The following GADL1 variants were observed in gnomAD, a reference collection of about 807,000 sequenced individuals.
The protein encoded by GADL1 is acidic amino acid decarboxylase GADL1.
A neutral mutation model predicts 69.5 loss-of-function variants in GADL1; 71 were observed. The observed-to-expected ratio is 1.02, with a 90% confidence interval of 0.84 to 1.25. GADL1 has a LOEUF of 1.25. Ranked by LOEUF, GADL1 falls within the 50% of genes most tolerant of loss-of-function variation. The pLI, the probability that GADL1 is intolerant of heterozygous loss-of-function variation, is 0.00. For synonymous variants in GADL1, 254 were observed against 214.4 expected (o/e 1.18, Z -1.62); for missense variants, 737 against 631.8 (o/e 1.17, Z -1.79).
chr3:30,860,084 C>A (rs902089608), intron 2 of GADL1, among the ~76,000 whole-genome samples: 1 of 151,730 alleles, frequency 6.6e-6, no homozygotes, highest in Non-Finnish European at 1.5e-5. Context: ...GAAATGAGTA[C>A]CCTAACGCCA....
chr3:30,824,158 T>C (rs1575222036), intron 11 of GADL1, among the ~76,000 whole-genome samples: 1 of 151,774 alleles, frequency 6.6e-6, no homozygotes, highest in East Asian at 1.9e-4. Context: ...TGTTAAATAG[T>C]AGAAATATTT....
At chr3:30,854,865 A>C in intron 3 of GADL1, 76 bp from the exon 4 acceptor site, 1 of 731,122 alleles carries the variant, frequency 1.4e-6, no homozygotes, top group Non-Finnish European at 2.3e-6. Context: ...AACATAAATG[A>C]ATCTTTCAGA....
At chr3:30,893,097 C>T (rs1219913687) in intron 1 of GADL1, among the ~76,000 whole-genome samples, 2 of 152,226 alleles carry the variant, frequency 1.3e-5, no homozygotes, top group African/African-American at 4.8e-5. Context: ...CTCAAGCGAT[C>T]TGCCCACCTC....
chr3:30,789,793 T>A (rs777201021), intron 12 of GADL1, among the ~76,000 whole-genome samples: 2 of 152,176 alleles, frequency 1.3e-5, no homozygotes, highest in Non-Finnish European at 2.9e-5. Flanking sequence ...CTTCCAACTT[T>A]CCTTATTCAT....
At chr3:30,882,819 G>A (rs957074824) in intron 1 of GADL1, among the ~76,000 whole-genome samples, 1 of 151,456 alleles carries the variant, frequency 6.6e-6, no homozygotes, top group Non-Finnish European at 1.5e-5. Flanking sequence ...ATACTCTCCA[G>A]CACTTGTTAT....
At chr3:30,786,244 G>A in intron 13 of GADL1, 111 bp downstream of exon 13, 2 of 722,502 alleles carry the variant, frequency 2.8e-6, no homozygotes, top group South Asian at 3.1e-5. Flanking sequence ...CTAATGACTT[G>A]TTTTTAACTC....
chr3:30,834,071 G>C (rs1697833658), intron 10 of GADL1, 137 bp from the exon 11 acceptor site: 1 of 922,530 alleles, frequency 1.1e-6, no homozygotes, highest in African/African-American at 1.7e-5. Context: ...TATCTGAGTG[G>C]TTTAAGGAAT....
At chr3:30,831,566 A>G (rs1697793530) in intron 11 of GADL1, among the ~76,000 whole-genome samples, 1 of 152,002 alleles carries the variant, frequency 6.6e-6, no homozygotes, top group Non-Finnish European at 1.5e-5. Flanking sequence ...AATTACCCCA[A>G]ACCAAGACTT....
intron 1 of GADL1, among the ~76,000 whole-genome samples, chr3:30,879,334 C>A (rs775215732): frequency 6.6e-6 from 1 of 151,866 alleles, no homozygotes; most frequent in Non-Finnish European, 1.5e-5. Flanking sequence ...TGCCTTCATC[C>A]TCATCAGAGA....
In GADL1 at chr3:30,857,011, T is replaced by C; in HGVS notation, c.337+4A>G. 6.5e-7 allele frequency: 1 copy of C among 1,548,730 alleles called. No individual in the cohort carries two copies. The highest frequency in any genetic ancestry group is 8.7e-7 in the Non-Finnish European group (1 of 1,144,790). On this transcript the variant is annotated splice_donor_region_variant and intron_variant, in intron 3 of 14. Coordinates refer to ENST00000282538, the MANE Select transcript of GADL1 (RefSeq NM_207359.3). Reference sequence around the variant, plus strand: ...AGATCAAGGAAGTAAATTAAAGTTCTTACTAGTTTTGACACTGTAGTGTAT... The same window carrying C: ...AGATCAAGGAAGTAAATTAAAGTTCCTACTAGTTTTGACACTGTAGTGTAT...
intron 1 of GADL1, among the ~76,000 whole-genome samples, chr3:30,874,899 C>T (rs1049656954): frequency 6.6e-6 from 1 of 151,914 alleles, no homozygotes; most frequent in African/African-American, 2.4e-5. Flanking sequence ...TAGCTTAAAG[C>T]AGCACCAACG....
At chr3:30,756,808 GTC>G (rs548157933) in intron 14 of GADL1, among the ~76,000 whole-genome samples, 147 of 152,236 alleles carry the variant, frequency 9.7e-4, no homozygotes, top group African/African-American at 2.7e-3. Context: ...CTGATGGCTT[GTC>G]TCTCTTACAC....
At chr3:30,763,636 G>T (rs12634059) in intron 14 of GADL1, among the ~76,000 whole-genome samples, 1 of 151,904 alleles carries the variant, frequency 6.6e-6, no homozygotes, top group African/African-American at 2.4e-5. Flanking sequence ...TATAGTCTAA[G>T]AGGAAGCCTA....
At chr3:30,821,750 G>C (rs1697585376) in intron 11 of GADL1, among the ~76,000 whole-genome samples, 1 of 151,410 alleles carries the variant, frequency 6.6e-6, no homozygotes. Flanking sequence ...TTTTAAAAGA[G>C]TGAATATAGA....
At chr3:30,790,733 C>A (rs925099108) in intron 12 of GADL1, among the ~76,000 whole-genome samples, 1 of 152,072 alleles carries the variant, frequency 6.6e-6, no homozygotes, top group African/African-American at 2.4e-5. Context: ...ATAGATATAA[C>A]AGCATATATG....
chr3:30,775,260 G>A (rs999376797), intron 14 of GADL1, among the ~76,000 whole-genome samples: 1 of 152,100 alleles, frequency 6.6e-6, no homozygotes, highest in African/African-American at 2.4e-5. Context: ...AAGATTTATC[G>A]CACCAGCGAT....
intron 14 of GADL1, among the ~76,000 whole-genome samples, chr3:30,750,893 A>C (rs1373375462): frequency 1.3e-5 from 2 of 152,092 alleles, no homozygotes; most frequent in Non-Finnish European, 2.9e-5. Flanking sequence ...AGCATTATAC[A>C]TTTTAAATAT....
chr3:30,821,156 A>G (rs560419941), intron 11 of GADL1, among the ~76,000 whole-genome samples: 8 of 152,156 alleles, frequency 5.3e-5, no homozygotes, highest in African/African-American at 1.7e-4. Context: ...GGGGAACATC[A>G]CACTCTGGGG....
At chr3:30,858,734 A>G (rs1053862565) in intron 2 of GADL1, among the ~76,000 whole-genome samples, 5 of 151,964 alleles carry the variant, frequency 3.3e-5, no homozygotes, top group Non-Finnish European at 2.9e-5. Flanking sequence ...AGGCTCTTGC[A>G]AAAGATTGAG....
Sources: gnomAD v4.1 joint callset for allele counts (sites outside exome capture counted in the v4.1 genomes callset) on GRCh38, gnomAD v4.1.1 for gene constraint, MANE v1.5 for transcripts, NCBI Gene and HGNC (gene_info 2026-07-23, HGNC 2026-07-21) for gene names.